Variants in NYAP2 observed in about 807,000 individuals in gnomAD.
The protein encoded by NYAP2 is neuronal tyrosine-phosphorylated phosphoinositide-3-kinase adaptor 2.
NYAP2 carries 23 observed loss-of-function variants against 50.4 expected under a neutral mutation model. The ratio of observed to expected loss-of-function variants is 0.46; its 90% CI spans 0.33 to 0.65. NYAP2 has a LOEUF of 0.65. Ranked by LOEUF, NYAP2 falls within the 30% of genes least tolerant of loss-of-function variation. NYAP2 has a pLI of 0.02. For synonymous variants in NYAP2, 394 were observed against 365.2 expected, an observed-to-expected ratio of 1.08 and a Z score of -0.90; for missense variants, 885 against 861.0, an observed-to-expected ratio of 1.03 and a Z score of -0.35.
chr2:225,399,681 C>T (rs1173396105), upstream of NYAP2: 1 of 151,962 alleles, frequency 6.6e-6, no homozygotes, highest in East Asian at 1.9e-4. Flanking sequence ...TCCCCTCTCT[C>T]CCCAAGCAGC....
chr2:225,674,187 G>A, the NYAP2 span, among the ~76,000 whole-genome samples: 3 of 152,118 alleles, frequency 2.0e-5, no homozygotes, highest in Non-Finnish European at 4.4e-5. Flanking sequence ...CTTTGATGAG[G>A]AGACTGGGGA....
intron 4 of NYAP2, among the ~76,000 whole-genome samples, chr2:225,567,647 G>C (rs959397444): frequency 6.6e-6 from 1 of 151,958 alleles, no homozygotes; most frequent in Non-Finnish European, 1.5e-5. Context: ...AGAAGGAGGA[G>C]GAAGGGGAGG....
chr2:225,572,737 A>T lies in NYAP2; in HGVS notation c.524-9204A>T, dbSNP rs77924003. 8.3e-3 allele frequency among the ~76,000 whole-genome samples: 1,261 copies of T among 152,326 alleles called. 29 individuals carry two copies. The highest frequency in any genetic ancestry group is 0.029 in the African/African-American group (1,218 of 41,560). On this transcript the variant is annotated intron_variant, in intron 4 of 6. Transcript: ENST00000636099. ...GAACTTAGAAAATGAATGACTCATA[A>T]GAATTATGTATGTAGTGGCTTCAGG...
At chr2:225,459,349 C>A (rs572890211) in intron 3 of NYAP2, among the ~76,000 whole-genome samples, 30 of 152,076 alleles carry the variant, frequency 2.0e-4, no homozygotes, top group Non-Finnish European at 3.4e-4. Flanking sequence ...GTGTTTGTAT[C>A]CCCCAGTGAC....
At chr2:225,415,527 G>A (rs1157655995) in intron 3 of NYAP2, among the ~76,000 whole-genome samples, 1 of 151,984 alleles carries the variant, frequency 6.6e-6, no homozygotes, top group Non-Finnish European at 1.5e-5. Flanking sequence ...ATGACTTCTG[G>A]GATCATACCC....
chr2:225,485,773 G>C (rs983293784), intron 3 of NYAP2, among the ~76,000 whole-genome samples: 2 of 152,152 alleles, frequency 1.3e-5, no homozygotes, highest in African/African-American at 4.8e-5. Context: ...GGCAAAAGAG[G>C]AGAGAAGCAT....
chr2:225,437,500 A>C (rs977493782), intron 3 of NYAP2, among the ~76,000 whole-genome samples: 2 of 152,204 alleles, frequency 1.3e-5, no homozygotes, highest in African/African-American at 2.4e-5. Context: ...CTTTCAGATC[A>C]CACTGCTTGT....
At chr2:225,538,631 C>T (rs930978678) in intron 4 of NYAP2, among the ~76,000 whole-genome samples, 1 of 152,188 alleles carries the variant, frequency 6.6e-6, no homozygotes, top group Non-Finnish European at 1.5e-5. Flanking sequence ...GGAGAGGTTG[C>T]TGTGAAGACC....
chr2:225,618,111 T>G (rs1693021177), intron 5 of NYAP2, among the ~76,000 whole-genome samples: 1 of 152,178 alleles, frequency 6.6e-6, no homozygotes, highest in Non-Finnish European at 1.5e-5. Flanking sequence ...TGTAATACCC[T>G]GTTTGCTTAG....
At chr2:225,487,194 G>T (rs1202140150) in intron 3 of NYAP2, among the ~76,000 whole-genome samples, 1 of 152,120 alleles carries the variant, frequency 6.6e-6, no homozygotes, top group Non-Finnish European at 1.5e-5. Flanking sequence ...GCCTGGCCTT[G>T]GCCACAAGCT....
At chr2:225,438,223 A>G (rs1023702404) in intron 3 of NYAP2, among the ~76,000 whole-genome samples, 1 of 152,232 alleles carries the variant, frequency 6.6e-6, no homozygotes, top group African/African-American at 2.4e-5. Context: ...GGTTCTAGAT[A>G]TTTAACTTTA....
chr2:225,513,248 A>G (rs1690864382), intron 3 of NYAP2, 123 bp from the exon 4 acceptor site: 1 of 844,802 alleles, frequency 1.2e-6, no homozygotes, highest in Non-Finnish European at 1.8e-6. Flanking sequence ...TTTAAAAGGC[A>G]GCATTTCACC....
At chr2:225,500,905 A>AT (rs969335962) in intron 3 of NYAP2, among the ~76,000 whole-genome samples, 40 of 152,134 alleles carry the variant, frequency 2.6e-4, no homozygotes, top group African/African-American at 9.2e-4. Context: ...GAGAATAGAG[A>AT]TTTTGCAAAA....
chr2:225,451,759 C>CT (rs1281925840), intron 3 of NYAP2, among the ~76,000 whole-genome samples: 7 of 152,182 alleles, frequency 4.6e-5, no homozygotes, highest in African/African-American at 7.2e-5. Flanking sequence ...CTTCAAAGCT[C>CT]TGTTATATGG....
chr2:225,435,368 A>G (rs1689359129), intron 3 of NYAP2, among the ~76,000 whole-genome samples: 1 of 152,230 alleles, frequency 6.6e-6, no homozygotes, highest in Admixed American at 6.5e-5. Flanking sequence ...TGCCCGTGTT[A>G]TAAATACAAA....
At position 225,582,671 on chromosome 2, in the gene NYAP2, T is replaced by C; in HGVS notation, c.1254T>C (p.Ser418=). The change falls in exon 5 of 7, where the codon TCT becomes TCC. Residue 418 remains serine, a synonymous_variant. Transcript: ENST00000636099. The surrounding 1 kb of genome is among the most constrained non-coding windows in gnomAD (Gnocchi z 7.0). ...TCTCCTCGTCGCCCCCACCCCCGTC[T>C]ACGCTGTACCGAACCCAGTCTCCCC... 6.3e-7 allele frequency: 1 copy of C among 1,597,496 alleles called. No homozygotes were observed. The highest frequency in any genetic ancestry group is 8.5e-7 in the Non-Finnish European group (1 of 1,171,058).
chr2:225,652,281 A>G (rs1693745487), exon 7 of NYAP2: 1 of 152,206 alleles, frequency 6.6e-6, no homozygotes, highest in Non-Finnish European at 1.5e-5. Flanking sequence ...CTTTAAATGA[A>G]TGACTTTTCT....
chr2:225,439,645 G>A (rs1689438442), intron 3 of NYAP2, among the ~76,000 whole-genome samples: 4 of 152,090 alleles, frequency 2.6e-5, no homozygotes, highest in Non-Finnish European at 5.9e-5. Context: ...GGAGTGGAGG[G>A]GGACAACAGT....
At chr2:225,435,355 C>T (rs1406733264) in intron 3 of NYAP2, among the ~76,000 whole-genome samples, 1 of 152,172 alleles carries the variant, frequency 6.6e-6, no homozygotes, top group Non-Finnish European at 1.5e-5. Flanking sequence ...TGAAACTCAA[C>T]TGTGCCCGTG....
Sources: allele counts gnomAD v4.1 joint callset (sites outside exome capture counted in the v4.1 genomes callset), GRCh38; gene constraint gnomAD v4.1.1; non-coding constraint Gnocchi (gnomAD v3.1); transcripts MANE v1.5; gene names NCBI Gene and HGNC (gene_info 2026-07-23, HGNC 2026-07-21).